PDE2A: variants seen among roughly 807,000 people sequenced by gnomAD.
PDE2A encodes cGMP-dependent 3',5'-cyclic phosphodiesterase.
A neutral mutation model predicts 133.6 loss-of-function variants in PDE2A; 53 were observed. The observed-to-expected ratio is 0.40, with a 90% CI of 0.32 to 0.50. The LOEUF (loss-of-function observed/expected upper bound fraction) is 0.50. Among genes scored for constraint, PDE2A ranks in the 20% least tolerant of loss-of-function variants. The probability of loss-of-function intolerance (pLI) is 0.73; values close to 1 mark genes in which losing one functional copy is unlikely to be tolerated. For missense variants in PDE2A, 796 were observed against 1,232.4 expected, an observed-to-expected ratio of 0.65 and a Z score of 5.30; for synonymous variants, 491 against 490.2, an observed-to-expected ratio of 1.00 and a Z score of -0.02.
chr11:72,598,586 T>TGTGC, intron 4 of PDE2A: 1 of 1,289,076 alleles, frequency 7.8e-7, no homozygotes. Context: ...TCCACTTAAT[T>TGTGC]GTGCTTGTAG....
Position 72,593,817 on chromosome 11 carries a change from G to C in PDE2A, c.490-2461C>G, listed in dbSNP as rs75023555. Among the ~76,000 whole-genome samples the C allele has an allele frequency of 5.1e-3, 781 of 152,340 alleles. 3 individuals carry two copies. Among genetic ancestry groups the C allele is most frequent in the African/African-American group, 0.018 (745 of 41,566 alleles). ...TCAGAGAGCCCTCGCTGATGGCGTC[G>C]CCACTGGACCCCAGCATTCCTTTGC... On this transcript the variant is annotated intron_variant, in intron 6 of 30. Transcript: ENST00000334456.
At chr11:72,610,958 G>A (rs1373259876) in intron 2 of PDE2A, among the ~76,000 whole-genome samples, 1 of 152,208 alleles carries the variant, frequency 6.6e-6, no homozygotes, top group Non-Finnish European at 1.5e-5. Flanking sequence ...CTAAAAAGGG[G>A]AGGAAGAGCT....
intron 12 of PDE2A, 42 bp downstream of exon 12, chr11:72,589,133 G>T: frequency 6.5e-7 from 1 of 1,548,368 alleles, no homozygotes; most frequent in Non-Finnish European, 8.9e-7. Context: ...CTGGCAGTGG[G>T]GTCTCCTCTT....
intron 1 of PDE2A, chr11:72,657,884 C>T: frequency 2.2e-6 from 1 of 456,146 alleles, no homozygotes; most frequent in Non-Finnish European, 4.4e-6. Flanking sequence ...GCAGAGGCAG[C>T]CTCAGTGAAG....
intron 1 of PDE2A, among the ~76,000 whole-genome samples, chr11:72,662,244 T>C (rs1855088803): frequency 6.6e-6 from 1 of 152,096 alleles, no homozygotes; most frequent in African/African-American, 2.4e-5. Context: ...GCAGGGGAGA[T>C]GCTAATTAGC....
intron 4 of PDE2A, among the ~76,000 whole-genome samples, chr11:72,602,022 C>T (rs1034160396): frequency 2.0e-5 from 3 of 152,226 alleles, no homozygotes; most frequent in African/African-American, 7.2e-5. Flanking sequence ...ATGGCCCAGA[C>T]CCCTTTTCTG....
rs371400739 is a variant in PDE2A at position 72,584,148 on chromosome 11, TC to T, written c.1650+52del. The stretch of plus-strand genomic sequence containing the variant: ...TCGGAGGAGGAGAACCGAGGGTCCT[TC>T]GTGGGCCCCGCCCCCTATCACCCCA... On this transcript the variant is annotated intron_variant, in intron 19 of 30. Transcript: ENST00000334456. The T allele has an allele frequency of 4.7e-4, 414 of 878,300 alleles. 2 individuals carry two copies. In the South Asian group the frequency reaches 6.0e-3, roughly 13 times the overall value. 54.4% of individuals were successfully genotyped at this position (878,300 alleles called of 1,614,324 possible).
chr11:72,627,551 C>G lies in PDE2A; in HGVS notation c.144+14703G>C, dbSNP rs532782856. Among the ~76,000 whole-genome samples the G allele has an allele frequency of 2.6e-5, 4 of 152,270 alleles. No homozygotes were observed. In the East Asian group the frequency reaches 7.7e-4, roughly 29 times the overall value. On this transcript the variant is annotated intron_variant, in intron 2 of 30. Transcript: ENST00000334456. The stretch of plus-strand genomic sequence containing the variant: ...GGAGCTGCTGTGTGCTGGGAGTGAA[C>G]ACAACAATGTGGCTGTAGCGCTGGC...
chr11:72,590,511 G>C lies in PDE2A; in HGVS notation c.619C>G (p.Gln207Glu). ...RGPREAPRAV[Q>E]NPPEGTAEDQ... ...TCCGCCGTCCCCTCCGGGGGGTTCT[G>C]GACGGCTCGGGGAGCCTCCCTGGGC... The change falls in exon 8 of 31, where the codon CAG (glutamine) becomes GAG (glutamate). Residue 207 changes from glutamine (Q) to glutamate (E), a missense_variant. Coordinates refer to ENST00000334456, the MANE Select transcript of PDE2A (RefSeq NM_002599.5). The surrounding 1 kb of genome is among the most constrained non-coding windows in gnomAD (Gnocchi z 4.8). 6.7e-7 allele frequency: 1 copy of C among 1,483,828 alleles called. No homozygotes were observed. Among genetic ancestry groups the C allele is most frequent in the Non-Finnish European group, 8.9e-7 (1 of 1,122,602 alleles). The allele number at this position is 1,483,828 out of a possible 1,614,324, so 91.9% of individuals were successfully genotyped here. A position where few individuals can be genotyped will look rare whatever the true frequency, so the allele number is the denominator to read the frequency against.
intron 1 of PDE2A, among the ~76,000 whole-genome samples, chr11:72,660,182 TAC>T (rs1276883794): frequency 6.6e-6 from 1 of 152,270 alleles, no homozygotes; most frequent in South Asian, 2.1e-4. Flanking sequence ...AAACTCATTA[TAC>T]ACTTTAAATT....
rs114062489 is a variant in PDE2A, at chr11:72,655,510, C to T, written c.72-13184G>A. The stretch of plus-strand genomic sequence containing the variant: ...GTGCCTGTGTGTGTGTGTGCACGCA[C>T]GTGTGTGTGTGTGCATGTGTGTGTG... On this transcript the variant is annotated intron_variant, in intron 1 of 30. Coordinates refer to ENST00000334456, the MANE Select transcript of PDE2A (RefSeq NM_002599.5). 6.4e-3 allele frequency among the ~76,000 whole-genome samples: 971 copies of T among 151,136 alleles called. 5 individuals carry two copies. Among genetic ancestry groups the T allele is most frequent in the Middle Eastern group, 0.017 (5 of 294 alleles).
intron 1 of PDE2A, among the ~76,000 whole-genome samples, chr11:72,647,884 G>A (rs564340515): frequency 1.3e-5 from 2 of 152,340 alleles, no homozygotes; most frequent in Admixed American, 6.5e-5. Context: ...TGATACTGCA[G>A]TGGTATAGCT....
chr11:72,582,550 T>C lies in PDE2A; in HGVS notation c.1745A>G (p.Tyr582Cys). The change falls in exon 21 of 31, where the codon TAT becomes TGT. Residue 582 changes from tyrosine to cysteine, a missense_variant. Transcript: ENST00000334456. The part of the protein sequence containing the change: ...MYHMKVSDDE[Y>C]TKLLHDGIQP... ...GATCCCATCATGGAGAAGTTTGGTA[T>C]ACTCATCATCGGAGACCTAGAGGAG... is the stretch of plus-strand genomic sequence containing the variant. The C allele has an allele frequency of 6.2e-7, 1 of 1,613,572 alleles. No homozygotes were observed. Among genetic ancestry groups the C allele is most frequent in the Non-Finnish European group, 8.5e-7 (1 of 1,179,604 alleles).
chr11:72,585,864 C>T (rs926121161), intron 14 of PDE2A, among the ~76,000 whole-genome samples: 23 of 152,166 alleles, frequency 1.5e-4, no homozygotes, highest in African/African-American at 5.6e-4. Context: ...CCAAATTGAA[C>T]ACTAGAGGGC....
rs12796702 is a variant in PDE2A, at chr11:72,612,275, C to A, written c.145-3524G>T. ...TTGCACTTAGACATGCACATCACAT[C>A]CACACACACACACACACACACACAC... On this transcript the variant is annotated intron_variant, in intron 2 of 30. Coordinates refer to ENST00000334456, the MANE Select transcript of PDE2A (RefSeq NM_002599.5). 1.2e-3 allele frequency among the ~76,000 whole-genome samples: 152 copies of A among 124,260 alleles called. 1 individual carries two copies. The highest frequency in any genetic ancestry group is 1.6e-3 in the Non-Finnish European group (85 of 52,880). 81.5% of individuals were successfully genotyped at this position (124,260 alleles called of 152,430 possible).
intron 2 of PDE2A, among the ~76,000 whole-genome samples, chr11:72,609,375 T>A (rs550911324): frequency 5.2e-4 from 79 of 152,330 alleles, no homozygotes; most frequent in African/African-American, 1.8e-3. Context: ...CCGCTCACTT[T>A]CCCCAGAAGG....
intron 4 of PDE2A, chr11:72,598,668 CA>C: frequency 7.8e-7 from 1 of 1,288,058 alleles, no homozygotes; most frequent in South Asian, 1.2e-5. Context: ...GGAAGCCCAG[CA>C]AAGGTCACAT....
intron 1 of PDE2A, among the ~76,000 whole-genome samples, chr11:72,661,786 C>A (rs1030387078): frequency 6.6e-6 from 1 of 152,234 alleles, no homozygotes; most frequent in Non-Finnish European, 1.5e-5. Flanking sequence ...AAGTGCTTCC[C>A]TGCGATGCGC....
chr11:72,607,455 C>T (rs1158868606), intron 3 of PDE2A, among the ~76,000 whole-genome samples: 1 of 152,166 alleles, frequency 6.6e-6, no homozygotes, highest in Non-Finnish European at 1.5e-5. Context: ...TAGTCCCGTC[C>T]TTCTCCAGGA....
Sources: allele counts gnomAD v4.1 joint callset (sites outside exome capture counted in the v4.1 genomes callset), GRCh38; gene constraint gnomAD v4.1.1; non-coding constraint Gnocchi (gnomAD v3.1); transcripts MANE v1.5; gene names NCBI Gene and HGNC (gene_info 2026-07-23, HGNC 2026-07-21).